PCDHA7: variants seen among roughly 807,000 people sequenced by gnomAD.
PCDHA7 encodes protocadherin alpha 7, also known as protocadherin alpha-7.
In PCDHA7, 37 loss-of-function variants were observed where a neutral mutation model predicts 57.2. That is an observed-to-expected ratio of 0.65 (90% CI 0.50 to 0.85). The LOEUF (loss-of-function observed/expected upper bound fraction) is 0.85. Ranked by LOEUF, PCDHA7 falls within the 40% of genes least tolerant of loss-of-function variation. PCDHA7 has a pLI of 0.00. For synonymous variants in PCDHA7, 553 were observed against 558.8 expected (o/e 0.99, Z 0.15); for missense variants, 1,188 against 1,241.8 (o/e 0.96, Z 0.65).
chr5:140,927,416 C>T (rs782053183), intron 1 of PCDHA7: 6 of 1,613,980 alleles, frequency 3.7e-6, no homozygotes, highest in Admixed American at 3.3e-5. Context: ...GACATGGGAT[C>T]GCGGGTTGAC....
intron 3 of PCDHA7, among the ~76,000 whole-genome samples, chr5:141,006,384 T>G (rs181638891): frequency 6.6e-6 from 1 of 152,126 alleles, no homozygotes; most frequent in African/African-American, 2.4e-5. Flanking sequence ...GCTAAGTTTT[T>G]TCTATTTTTT....
chr5:140,841,658 C>T lies in PCDHA7; in HGVS notation c.2355+4920C>T, dbSNP rs146047089. On this transcript the variant is annotated intron_variant, in intron 1 of 3. Transcript: ENST00000525929. Reference sequence around the variant, plus strand: ...CCACCTGGAGGTGATCGTGGACAGGCCGCTGCAGGTTTTCCATGTGGACGT... The same window carrying T: ...CCACCTGGAGGTGATCGTGGACAGGTCGCTGCAGGTTTTCCATGTGGACGT... 7.3e-3 allele frequency: 11,721 copies of T among 1,614,100 alleles called. 53 individuals are homozygous for T. Among genetic ancestry groups the T allele is most frequent in the South Asian group, 8.3e-3 (753 of 91,074 alleles).
intron 1 of PCDHA7, chr5:140,862,516 G>T: frequency 2.4e-6 from 1 of 409,748 alleles, no homozygotes; most frequent in South Asian, 1.9e-5. Flanking sequence ...CGCTTTCATT[G>T]TTGGCCACAG....
intron 1 of PCDHA7, among the ~76,000 whole-genome samples, chr5:140,921,352 T>C (rs889434892): frequency 6.6e-6 from 1 of 152,190 alleles, no homozygotes; most frequent in Non-Finnish European, 1.5e-5. Context: ...TATATTTGCC[T>C]ATATTCAAGT....
intron 1 of PCDHA7, chr5:140,966,544 G>C: frequency 2.1e-6 from 1 of 465,718 alleles, no homozygotes; most frequent in Non-Finnish European, 3.7e-6. Flanking sequence ...GCGACTCGGA[G>C]GCGAGCGGAG....
chr5:140,971,332 A>G (rs1229650076), intron 1 of PCDHA7, among the ~76,000 whole-genome samples: 3 of 152,242 alleles, frequency 2.0e-5, no homozygotes, highest in Non-Finnish European at 4.4e-5. Context: ...AAATTATTTC[A>G]GAAAGTGCTT....
At chr5:140,840,358 G>A (rs1180450322) in intron 1 of PCDHA7, among the ~76,000 whole-genome samples, 1 of 151,928 alleles carries the variant, frequency 6.6e-6, no homozygotes, top group East Asian at 1.9e-4. Flanking sequence ...AGGTAAAAAT[G>A]TCAGGTAGAA....
At chr5:140,947,010 A>C (rs924112965) in intron 1 of PCDHA7, among the ~76,000 whole-genome samples, 7 of 151,752 alleles carry the variant, frequency 4.6e-5, no homozygotes, top group African/African-American at 1.4e-4. Flanking sequence ...AGAAATGATA[A>C]ATGTTTGAGG....
chr5:141,001,403 G>C (rs2098015477), intron 3 of PCDHA7, among the ~76,000 whole-genome samples: 1 of 152,232 alleles, frequency 6.6e-6, no homozygotes, highest in Non-Finnish European at 1.5e-5. Flanking sequence ...AGAACAGGGA[G>C]TATATTTTTA....
chr5:140,941,218 T>TCTTTCTTC, intron 1 of PCDHA7, among the ~76,000 whole-genome samples: 1 of 125,730 alleles, frequency 8.0e-6, no homozygotes, highest in African/African-American at 3.3e-5. Context: ...TTTCTTCCTT[T>TCTTTCTTC]CTTTCTTTCT....
chr5:140,926,054 T>C (rs1018660828), intron 1 of PCDHA7, among the ~76,000 whole-genome samples: 1 of 152,182 alleles, frequency 6.6e-6, no homozygotes, highest in Non-Finnish European at 1.5e-5. Flanking sequence ...CCCAACCTTC[T>C]TCCCCTCCTT....
rs901766941 is a variant in PCDHA7 at position 140,982,266 on chromosome 5, G to A, written c.2415-209G>A. The A allele has an allele frequency of 6.1e-5, 54 of 879,038 alleles. No homozygotes were observed. In the African/African-American group the frequency reaches 7.6e-4, roughly 12 times the overall value. The allele number at this position is 879,038 out of a possible 1,614,324, so 54.5% of individuals were successfully genotyped here. ...TAAAGATAGAACATGTGTGTTCCTG[G>A]AATAGTATAGCAGGCAATAAGTAAG... On this transcript the variant is annotated intron_variant, in intron 2 of 3. Coordinates refer to ENST00000525929, the MANE Select transcript of PCDHA7 (RefSeq NM_018910.3).
In PCDHA7 at chr5:140,929,128, A is replaced by G. The variant is rs142487298; in HGVS notation, c.2356-49821A>G. On this transcript the variant is annotated intron_variant, in intron 1 of 3. Transcript: ENST00000525929. Reference sequence around the variant, plus strand: ...GACATCAGCCACCATAGATGTCACTACAGTTGAGAGACTTTCTCAGACTTA... The same window carrying G: ...GACATCAGCCACCATAGATGTCACTGCAGTTGAGAGACTTTCTCAGACTTA... The G allele has an allele frequency of 8.1e-6, 13 of 1,614,054 alleles. No individual in the cohort carries two copies. In the African/African-American group the frequency reaches 1.5e-4, roughly 18 times the overall value.
intron 1 of PCDHA7, among the ~76,000 whole-genome samples, chr5:140,916,184 A>C (rs1554197322): frequency 6.6e-6 from 1 of 152,092 alleles, no homozygotes. Context: ...CTCTTCAAGG[A>C]AGTGGGCACC....
chr5:140,875,809 C>T, intron 1 of PCDHA7: 1 of 1,614,146 alleles, frequency 6.2e-7, no homozygotes, highest in Non-Finnish European at 8.5e-7. Flanking sequence ...CGTGGACAGG[C>T]CGCTGCAGGT....
chr5:140,843,875 G>A (rs1044145588), intron 1 of PCDHA7: 18 of 764,320 alleles, frequency 2.4e-5, no homozygotes, highest in Middle Eastern at 3.9e-4. Context: ...TTTCTCAGTG[G>A]CATAATACAG....
At chr5:140,853,330 G>A in intron 1 of PCDHA7, 1 of 984,768 alleles carries the variant, frequency 1.0e-6, no homozygotes, top group South Asian at 4.7e-5. Flanking sequence ...TTTATCTTTT[G>A]AGGTCATTAG....
intron 1 of PCDHA7, chr5:140,857,805 C>CG: frequency 6.3e-7 from 1 of 1,597,714 alleles, no homozygotes; most frequent in Non-Finnish European, 8.6e-7. Context: ...TCGGTGGTTG[C>CG]GGGTCACGTG....
Position 141,009,965 on chromosome 5 carries a change from G to A in PCDHA7, c.*28G>A, listed in dbSNP as rs782001097. On this transcript the variant is annotated 3_prime_UTR_variant, in exon 4 of 4. Coordinates refer to ENST00000525929, the MANE Select transcript of PCDHA7 (RefSeq NM_018910.3). ...TCCTCAAATGGAAACAAGCCACTTA[G>A]CCAGTTTTTGTAATAATGGCAAATC... is the stretch of plus-strand genomic sequence containing the variant. 1.6e-5 allele frequency: 26 copies of A among 1,587,906 alleles called. No individual in the cohort carries two copies. Among genetic ancestry groups the A allele is most frequent in the Non-Finnish European group, 2.6e-6 (3 of 1,170,436 alleles).
Sources: allele counts gnomAD v4.1 joint callset (sites outside exome capture counted in the v4.1 genomes callset), GRCh38; gene constraint gnomAD v4.1.1; transcripts MANE v1.5; gene names NCBI Gene and HGNC (gene_info 2026-07-23, HGNC 2026-07-21).